ADK: variants seen among roughly 807,000 people sequenced by gnomAD.
ADK encodes N6,N6-dimethyladenosine kinase.
ADK carries 24 observed loss-of-function variants against 44.7 expected under a neutral mutation model. That is an observed-to-expected ratio of 0.54 (90% CI 0.39 to 0.76). ADK has a LOEUF of 0.76. Among genes scored for constraint, ADK ranks in the 30% least tolerant of loss-of-function variants. The pLI is 0.00. For missense variants in ADK, 321 were observed against 425.1 expected, an observed-to-expected ratio of 0.76 and a Z score of 2.15; for synonymous variants, 128 against 142.6, an observed-to-expected ratio of 0.90 and a Z score of 0.73.
intron 3 of ADK, among the ~76,000 whole-genome samples, chr10:74,246,496 G>T (rs1432298115): frequency 6.6e-6 from 1 of 152,204 alleles, no homozygotes; most frequent in Non-Finnish European, 1.5e-5. Flanking sequence ...GAATTCTCTT[G>T]TAAGGTCTGG....
chr10:74,428,041 T>C (rs1445445523), intron 6 of ADK, among the ~76,000 whole-genome samples: 1 of 152,154 alleles, frequency 6.6e-6, no homozygotes, highest in East Asian at 1.9e-4. Flanking sequence ...TGGAGCTTGA[T>C]GGTTTGTGAC....
intron 6 of ADK, among the ~76,000 whole-genome samples, chr10:74,459,104 C>A (rs1202833972): frequency 6.6e-6 from 1 of 151,766 alleles, no homozygotes; most frequent in Non-Finnish European, 1.5e-5. Flanking sequence ...CATGGCAAAA[C>A]CCCGTCTCTA....
chr10:74,475,816 AGGAG>A (rs1028255208), intron 6 of ADK, among the ~76,000 whole-genome samples: 1 of 139,192 alleles, frequency 7.2e-6, no homozygotes, highest in African/African-American at 2.6e-5. Flanking sequence ...AGAGAGAAAA[AGGAG>A]GGAGAGGGAG....
chr10:74,318,409 G>A (rs1840702117), intron 4 of ADK, among the ~76,000 whole-genome samples: 1 of 152,136 alleles, frequency 6.6e-6, no homozygotes, highest in African/African-American at 2.4e-5. Context: ...TGATTCTCCT[G>A]TGTTGGCCTC....
At position 74,302,060 on chromosome 10, in the gene ADK, A is replaced by G. The variant is rs1187540551; in HGVS notation, c.195-12607A>G. 2.8e-5 allele frequency among the ~76,000 whole-genome samples: 4 copies of G among 140,574 alleles called. No homozygotes were observed. In the East Asian group the frequency reaches 6.2e-4, roughly 22 times the overall value. 92.2% of individuals were successfully genotyped at this position (140,574 alleles called of 152,430 possible). A position where few individuals can be genotyped will look rare whatever the true frequency, so the allele number is the denominator to read the frequency against. On this transcript the variant is annotated intron_variant, in intron 3 of 10. Transcript: ENST00000539909. Reference sequence around the variant, plus strand: ...GGGCTTTGTATTTTTACCTTTTTTTAAAGCTTATTTTTGCTTTCTTTTCTT... The same window carrying G: ...GGGCTTTGTATTTTTACCTTTTTTTGAAGCTTATTTTTGCTTTCTTTTCTT...
At chr10:74,655,882 C>A in intron 9 of ADK, 1 of 629,388 alleles carries the variant, frequency 1.6e-6, no homozygotes, top group Non-Finnish European at 3.0e-6. Context: ...GCAAAGAATG[C>A]TTCTACCCTA....
intron 6 of ADK, among the ~76,000 whole-genome samples, chr10:74,426,704 C>A (rs770937990): frequency 6.6e-6 from 1 of 152,122 alleles, no homozygotes; most frequent in Non-Finnish European, 1.5e-5. Context: ...TAATGTCCAA[C>A]ATATTCAAAC....
intron 3 of ADK, among the ~76,000 whole-genome samples, chr10:74,266,741 A>G (rs1846229706): frequency 6.6e-6 from 1 of 152,192 alleles, no homozygotes; most frequent in Non-Finnish European, 1.5e-5. Flanking sequence ...TGTGTTTTAA[A>G]AGTAATAGTT....
At chr10:74,666,692 A>G (rs1244486363) in intron 9 of ADK, among the ~76,000 whole-genome samples, 1 of 152,134 alleles carries the variant, frequency 6.6e-6, no homozygotes, top group Non-Finnish European at 1.5e-5. Context: ...TGAGTGTTGT[A>G]GGCTTCATTG....
intron 4 of ADK, among the ~76,000 whole-genome samples, chr10:74,325,658 A>G (rs906064675): frequency 1.3e-5 from 2 of 152,150 alleles, no homozygotes; most frequent in Admixed American, 1.3e-4. Flanking sequence ...CATTCCTTCT[A>G]TACCCAATTT....
At chr10:74,523,159 G>A (rs1289884093) in intron 6 of ADK, among the ~76,000 whole-genome samples, 1 of 152,098 alleles carries the variant, frequency 6.6e-6, no homozygotes, top group Non-Finnish European at 1.5e-5. Context: ...TAGGTTTGAT[G>A]TAAGGAAAAA....
intron 1 of ADK, among the ~76,000 whole-genome samples, chr10:74,157,733 A>T (rs1055593716): frequency 6.6e-6 from 1 of 151,658 alleles, no homozygotes; most frequent in African/African-American, 2.4e-5. Flanking sequence ...AAAAAAAAAA[A>T]AATACAAAAT....
At chr10:74,367,394 TAC>T (rs1248942591) in intron 4 of ADK, among the ~76,000 whole-genome samples, 1 of 152,188 alleles carries the variant, frequency 6.6e-6, no homozygotes, top group East Asian at 1.9e-4. Context: ...TCCATGAAAT[TAC>T]AGTTTTTTAA....
intron 6 of ADK, among the ~76,000 whole-genome samples, chr10:74,418,161 T>G (rs1367848165): frequency 6.6e-6 from 1 of 152,218 alleles, no homozygotes; most frequent in African/African-American, 2.4e-5. Context: ...CCTTTTGTAC[T>G]CTTTCCTAAA....
intron 6 of ADK, among the ~76,000 whole-genome samples, chr10:74,420,025 C>T (rs191590574): frequency 6.6e-6 from 1 of 152,130 alleles, no homozygotes. Context: ...AAAGTTATCA[C>T]CCCAGACACT....
At chr10:74,410,917 T>C (rs1844153615) in intron 6 of ADK, among the ~76,000 whole-genome samples, 1 of 152,186 alleles carries the variant, frequency 6.6e-6, no homozygotes, top group Non-Finnish European at 1.5e-5. Flanking sequence ...ATTTTTGGAA[T>C]TTATTAATTT....
At chr10:74,568,461 G>C (rs1482772640) in intron 7 of ADK, among the ~76,000 whole-genome samples, 1 of 152,018 alleles carries the variant, frequency 6.6e-6, no homozygotes, top group African/African-American at 2.4e-5. Context: ...TACAGGAAAG[G>C]GGTCCTAATC....
chr10:74,186,379 A>G (rs1320631656), intron 1 of ADK, among the ~76,000 whole-genome samples: 2 of 151,974 alleles, frequency 1.3e-5, no homozygotes, highest in African/African-American at 2.4e-5. Context: ...TCCCCAGCCC[A>G]AGCCATCTAC....
intron 3 of ADK, among the ~76,000 whole-genome samples, chr10:74,284,114 A>G (rs1277268403): frequency 3.9e-5 from 6 of 151,946 alleles, no homozygotes; most frequent in African/African-American, 1.5e-4. Flanking sequence ...GTGTGCCACC[A>G]TGCCCGGCTA....
Sources: allele counts gnomAD v4.1 joint callset (sites outside exome capture counted in the v4.1 genomes callset), GRCh38; gene constraint gnomAD v4.1.1; transcripts MANE v1.5; gene names NCBI Gene and HGNC (gene_info 2026-07-23, HGNC 2026-07-21).